The following CTNNA2 variants were observed in gnomAD, a reference collection of about 807,000 sequenced individuals.
The protein encoded by CTNNA2 is catenin alpha 2.
Under a neutral mutation model 101.0 loss-of-function variants are expected in CTNNA2, and 42 were observed. The observed-to-expected ratio is 0.42, with a 90% confidence interval of 0.32 to 0.54. The LOEUF (loss-of-function observed/expected upper bound fraction) is 0.54, where lower values mean the gene tolerates loss of function less well. Ranked by LOEUF, CTNNA2 falls within the 20% of genes least tolerant of loss-of-function variation. The pLI is 0.14. For synonymous variants in CTNNA2, 450 were observed against 456.4 expected (o/e 0.99, Z 0.18); for missense variants, 871 against 1,223.1 (o/e 0.71, Z 4.29).
intron 4 of CTNNA2, among the ~76,000 whole-genome samples, chr2:79,500,364 T>C (rs1671305689): frequency 6.6e-6 from 1 of 152,208 alleles, no homozygotes; most frequent in Admixed American, 6.5e-5. Flanking sequence ...TACCACCATT[T>C]CTATGGGATA....
intron 12 of CTNNA2, among the ~76,000 whole-genome samples, chr2:80,564,114 G>A (rs187744173): frequency 3.4e-4 from 51 of 152,126 alleles, no homozygotes; most frequent in Middle Eastern, 3.4e-3. Flanking sequence ...TCCTTAAATC[G>A]CATACTTAAT....
At chr2:79,816,894 C>T (rs1047504012) in intron 3 of CTNNA2, among the ~76,000 whole-genome samples, 1 of 152,154 alleles carries the variant, frequency 6.6e-6, no homozygotes, top group African/African-American at 2.4e-5. Flanking sequence ...TCAAACCTTA[C>T]GATGTTCAAA....
intron 2 of CTNNA2, among the ~76,000 whole-genome samples, chr2:79,710,672 T>C (rs749984067): frequency 6.6e-6 from 1 of 152,172 alleles, no homozygotes; most frequent in Non-Finnish European, 1.5e-5. Context: ...CACAAGCCAA[T>C]CAGCTTTCAA....
At chr2:80,300,840 T>G (rs560504098) in intron 7 of CTNNA2, among the ~76,000 whole-genome samples, 2 of 151,968 alleles carry the variant, frequency 1.3e-5, no homozygotes, top group African/African-American at 4.8e-5. Context: ...ACCCACCAAC[T>G]GCCACTACCA....
intron 2 of CTNNA2, among the ~76,000 whole-genome samples, chr2:79,702,221 CTT>C (rs1685060793): frequency 6.9e-6 from 1 of 143,962 alleles, no homozygotes; most frequent in Non-Finnish European, 1.5e-5. Context: ...TATGGCCTGC[CTT>C]TTTACATTTT....
intron 3 of CTNNA2, among the ~76,000 whole-genome samples, chr2:79,327,725 C>T (rs1369144836): frequency 6.6e-6 from 1 of 152,160 alleles, no homozygotes; most frequent in Non-Finnish European, 1.5e-5. Flanking sequence ...ATCTCCTCCT[C>T]ACTAGTCTGT....
At chr2:80,575,149 A>G (rs1241379053) in intron 13 of CTNNA2, 2 of 152,188 alleles carry the variant, frequency 1.3e-5, no homozygotes, top group African/African-American at 4.8e-5. Context: ...TTCTTCAAAT[A>G]TACTGCATAT....
intron 2 of CTNNA2, among the ~76,000 whole-genome samples, chr2:79,231,081 A>C (rs7578823): frequency 0.087 from 13,169 of 152,170 alleles, 779 homozygotes; most frequent in East Asian, 0.18. Flanking sequence ...TTTTGAGTTA[A>C]TACTGAGATA....
chr2:79,523,132 C>A, intron 1 of CTNNA2: 3 of 310,082 alleles, frequency 9.7e-6, no homozygotes, highest in South Asian at 2.9e-5. Flanking sequence ...AATAAAAATT[C>A]TTCCTCTACA....
At chr2:79,897,345 G>C (rs773835248) in intron 6 of CTNNA2, among the ~76,000 whole-genome samples, 7 of 137,646 alleles carry the variant, frequency 5.1e-5, no homozygotes, top group Non-Finnish European at 9.5e-5. Context: ...AAAAAAAAAA[G>C]ATAAATTTAA....
chr2:79,892,266 T>A lies in CTNNA2; in HGVS notation c.853-17328T>A, dbSNP rs960628107. 7.2e-5 allele frequency among the ~76,000 whole-genome samples: 11 copies of A among 152,168 alleles called. No individual in the cohort carries two copies. In the East Asian group the frequency reaches 1.9e-3, roughly 27 times the overall value. On this transcript the variant is annotated intron_variant, in intron 6 of 18. Transcript: ENST00000402739. ...TGTAAGCTTGCTAGTTTTGCCTAGT[T>A]TAAGTATTAATTTAATGGAAGGCTA...
intron 7 of CTNNA2, among the ~76,000 whole-genome samples, chr2:79,914,321 A>T (rs1442645502): frequency 6.6e-6 from 1 of 152,192 alleles, no homozygotes; most frequent in African/African-American, 2.4e-5. Flanking sequence ...ATTCTTATAA[A>T]AGACTAGAAA....
chr2:79,374,612 T>G (rs541113674), intron 4 of CTNNA2, among the ~76,000 whole-genome samples: 1 of 152,280 alleles, frequency 6.6e-6, no homozygotes, highest in African/African-American at 2.4e-5. Flanking sequence ...TTTCTGTAGA[T>G]GATGTATATT....
At chr2:79,869,686 C>G in intron 4 of CTNNA2, 130 bp from the exon 5 acceptor site, 1 of 1,146,052 alleles carries the variant, frequency 8.7e-7, no homozygotes, top group Non-Finnish European at 1.2e-6. Context: ...GAACTCTTCT[C>G]CTATTTTTTC....
At chr2:80,125,073 T>C (rs985004852) in intron 7 of CTNNA2, among the ~76,000 whole-genome samples, 3 of 152,178 alleles carry the variant, frequency 2.0e-5, no homozygotes, top group African/African-American at 7.2e-5. Context: ...AGAACATCAG[T>C]GAACCAGTTT....
chr2:79,239,689 T>C (rs1233710110), intron 2 of CTNNA2, among the ~76,000 whole-genome samples: 1 of 151,962 alleles, frequency 6.6e-6, no homozygotes, highest in Non-Finnish European at 1.5e-5. Context: ...AAAGCAAAAA[T>C]TGACAAACGG....
chr2:79,725,326 T>C (rs78041625), intron 2 of CTNNA2, among the ~76,000 whole-genome samples: 5,093 of 152,298 alleles, frequency 0.033, 274 homozygotes, highest in African/African-American at 0.11. Flanking sequence ...TATGTGACTT[T>C]AAGCAAGAAT....
intron 1 of CTNNA2, among the ~76,000 whole-genome samples, chr2:79,549,406 C>A (rs982266204): frequency 7.2e-5 from 11 of 152,170 alleles, no homozygotes; most frequent in Admixed American, 7.2e-4. Context: ...CAGTCATTTA[C>A]ATAGTATACA....
intron 7 of CTNNA2, among the ~76,000 whole-genome samples, chr2:79,939,782 C>A (rs909941645): frequency 6.6e-6 from 1 of 152,140 alleles, no homozygotes; most frequent in Non-Finnish European, 1.5e-5. Flanking sequence ...AATTGTGAAA[C>A]CATGATTTTC....
Sources: gnomAD v4.1 joint callset for allele counts (sites outside exome capture counted in the v4.1 genomes callset) on GRCh38, gnomAD v4.1.1 for gene constraint, MANE v1.5 for transcripts, NCBI Gene and HGNC (gene_info 2026-07-23, HGNC 2026-07-21) for gene names.